MMP26: variants seen among roughly 807,000 people sequenced by gnomAD.
The protein encoded by MMP26 is matrix metalloproteinase-26.
In MMP26, 33 loss-of-function variants were observed where a neutral mutation model predicts 31.0. The observed-to-expected ratio is 1.06, with a 90% CI of 0.81 to 1.42. The LOEUF is 1.42. Ranked by LOEUF, MMP26 falls within the 40% of genes most tolerant of loss-of-function variation. The pLI is 0.00. For missense variants in MMP26, 347 were observed against 316.1 expected, an observed-to-expected ratio of 1.10 and a Z score of -0.74; for synonymous variants, 122 against 114.9, an observed-to-expected ratio of 1.06 and a Z score of -0.40.
At chr11:4,812,049 A>G (rs1039863908) in intron 2 of MMP26, among the ~76,000 whole-genome samples, 5 of 152,194 alleles carry the variant, frequency 3.3e-5, no homozygotes, top group Admixed American at 2.0e-4. Flanking sequence ...TGAGAGCCCA[A>G]TAAAGGTTGG....
intron 2 of MMP26, chr11:4,769,600 A>T: frequency 6.2e-7 from 1 of 1,613,406 alleles, no homozygotes; most frequent in Admixed American, 1.7e-5. Flanking sequence ...TGAATCCATG[A>T]AGAAAAAACA....
chr11:4,987,486 T>C lies in MMP26; in HGVS notation c.-144-582T>C, dbSNP rs534087759. On this transcript the variant is annotated intron_variant, in intron 2 of 7. Coordinates refer to ENST00000380390, the MANE Select transcript of MMP26 (RefSeq NM_021801.5). ...CAGGCTGGAGTGCAGTGGCGCGATC[T>C]CGGCTCACTGCAAGCTCCGCCTCCC... is the stretch of plus-strand genomic sequence containing the variant. 3.9e-5 allele frequency among the ~76,000 whole-genome samples: 6 copies of C among 152,188 alleles called. No homozygotes were observed. The South Asian group carries it at 6.2e-4, about 16-fold the overall frequency.
At chr11:4,842,633 A>G (rs898956536) in intron 2 of MMP26, among the ~76,000 whole-genome samples, 4 of 152,116 alleles carry the variant, frequency 2.6e-5, no homozygotes, top group African/African-American at 7.2e-5. Context: ...GGGAATTACA[A>G]TTCAACATGA....
intron 1 of MMP26, among the ~76,000 whole-genome samples, chr11:4,754,494 A>C (rs1848483323): frequency 6.6e-6 from 1 of 152,030 alleles, no homozygotes; most frequent in South Asian, 2.1e-4. Flanking sequence ...GGATGCTATA[A>C]ATCAAATTAA....
chr11:4,992,352 G>A lies in MMP26; in HGVS notation c.*110G>A. The A allele has an allele frequency of 2.9e-6, 3 of 1,039,374 alleles. No homozygotes were observed. The highest frequency in any genetic ancestry group is 4.2e-6 in the Non-Finnish European group (3 of 708,558). 64.4% of individuals were successfully genotyped at this position (1,039,374 alleles called of 1,614,324 possible). A position where few individuals can be genotyped will look rare whatever the true frequency, so the allele number is the denominator to read the frequency against. The stretch of plus-strand genomic sequence containing the variant: ...GGGACTGCTAGGATGAAGCCCTAAA[G>A]AATGCAACCTAGTCAGGTTAGCTGA... On this transcript the variant is annotated 3_prime_UTR_variant, in exon 8 of 8. Coordinates refer to ENST00000380390, the MANE Select transcript of MMP26 (RefSeq NM_021801.5).
At chr11:4,959,125 C>T (rs1380064684) in intron 2 of MMP26, among the ~76,000 whole-genome samples, 2 of 151,206 alleles carry the variant, frequency 1.3e-5, no homozygotes, top group East Asian at 3.9e-4. Flanking sequence ...GTAGTCCCAG[C>T]TACTCGGGAG....
At chr11:4,924,321 T>C (rs758867280) in intron 2 of MMP26, 6 of 1,607,866 alleles carry the variant, frequency 3.7e-6, no homozygotes, top group Non-Finnish European at 4.2e-6. Context: ...TGGAGGCTGC[T>C]ATTAAGAAGA....
chr11:4,747,089 G>C (rs150429812), intron 1 of MMP26, among the ~76,000 whole-genome samples: 337 of 152,218 alleles, frequency 2.2e-3, no homozygotes, highest in Middle Eastern at 0.01. Context: ...CTTAGTAACT[G>C]GTTGATGCAA....
chr11:4,933,529 T>A (rs1269448566), intron 2 of MMP26, among the ~76,000 whole-genome samples: 1 of 44,640 alleles, frequency 2.2e-5, no homozygotes, highest in Non-Finnish European at 5.1e-5. Context: ...TTTTTTTTGT[T>A]TTTTTTTTTG....
chr11:4,784,064 C>T (rs983023625), intron 2 of MMP26, among the ~76,000 whole-genome samples: 9 of 152,132 alleles, frequency 5.9e-5, no homozygotes, highest in East Asian at 1.9e-4. Context: ...GAAGTGCAGG[C>T]GAGGCTTGGT....
rs71050424 is a variant in MMP26, at chr11:4,716,650, C to CTTTTTTTTTTT, written c.-217+11623_-217+11633dup. Among the ~76,000 whole-genome samples the CTTTTTTTTTTT allele has an allele frequency of 9.7e-4, 63 of 65,038 alleles. 12 individuals are homozygous for CTTTTTTTTTTT. Among genetic ancestry groups the CTTTTTTTTTTT allele is most frequent in the African/African-American group, 2.9e-3 (43 of 14,746 alleles). The allele number at this position is 65,038 out of a possible 152,430, so 42.7% of individuals were successfully genotyped here. ...ATTCCATACTTGATCTCTCTTACCT[C>CTTTTTTTTTTT]TTTTTTTTTTTTTTTTTTTTTTTTT... On this transcript the variant is annotated intron_variant, in intron 1 of 7. Transcript: ENST00000380390.
chr11:4,769,476 G>T, intron 2 of MMP26: 1 of 1,613,230 alleles, frequency 6.2e-7, no homozygotes, highest in Non-Finnish European at 8.5e-7. Flanking sequence ...ATCATCAGAA[G>T]ACCCATTTGA....
chr11:4,986,932 C>CTCTCTCCCTCTCTCTCTCT lies in MMP26; in HGVS notation c.-144-1136_-144-1135insTCTCTCCCTCTCTCTCTCT, dbSNP rs1564819722. Among the ~76,000 whole-genome samples the CTCTCTCCCTCTCTCTCTCT allele has an allele frequency of 7.1e-4, 43 of 60,440 alleles. 5 individuals are homozygous for CTCTCTCCCTCTCTCTCTCT. Among genetic ancestry groups the CTCTCTCCCTCTCTCTCTCT allele is most frequent in the South Asian group, 3.4e-3 (5 of 1,468 alleles). 39.7% of individuals were successfully genotyped at this position (60,440 alleles called of 152,430 possible). A position where few individuals can be genotyped will look rare whatever the true frequency, so the allele number is the denominator to read the frequency against. Reference sequence around the variant, plus strand: ...CTCTCTCTCTCTCTCTCTCTCTCTCCCTCTCTCTCTCTCTCTCTCTCTCTC... The same window carrying CTCTCTCCCTCTCTCTCTCT: ...CTCTCTCTCTCTCTCTCTCTCTCTCCTCTCTCCCTCTCTCTCTCTCTCTCTCTCTCTCTCTCTCTCTCTC... On this transcript the variant is annotated intron_variant, in intron 2 of 7. Transcript: ENST00000380390.
chr11:4,965,818 T>C (rs1410442888), intron 2 of MMP26, among the ~76,000 whole-genome samples: 1 of 152,210 alleles, frequency 6.6e-6, no homozygotes, highest in African/African-American at 2.4e-5. Flanking sequence ...TGGACTTTCT[T>C]CTACTGTGGA....
At chr11:4,776,970 T>C (rs1321273600) in intron 2 of MMP26, among the ~76,000 whole-genome samples, 1 of 152,150 alleles carries the variant, frequency 6.6e-6, no homozygotes, top group African/African-American at 2.4e-5. Context: ...ATATGTATAC[T>C]ATGCTTACCA....
intron 1 of MMP26, among the ~76,000 whole-genome samples, chr11:4,732,076 G>A (rs912689503): frequency 1.3e-5 from 2 of 152,178 alleles, no homozygotes; most frequent in African/African-American, 4.8e-5. Context: ...AGGCCAGGGT[G>A]GGGTTAGTGG....
intron 5 of MMP26, among the ~76,000 whole-genome samples, chr11:4,990,988 A>G (rs1024509426): frequency 2.0e-5 from 3 of 152,138 alleles, no homozygotes; most frequent in Non-Finnish European, 4.4e-5. Context: ...TTTTCCTTCC[A>G]AAAAGACGAT....
Position 4,862,396 on chromosome 11 carries a change from G to T in MMP26, c.-145+95055G>T, listed in dbSNP as rs371899961. 3.3e-5 allele frequency among the ~76,000 whole-genome samples: 5 copies of T among 152,168 alleles called. No individual in the cohort carries two copies. In the South Asian group the frequency reaches 1.0e-3, roughly 31 times the overall value. ...TAGTGCAATGAAGACATAAAACAAT[G>T]AATGGGTGAATATGGATGATTGAAT... On this transcript the variant is annotated intron_variant, in intron 2 of 7. Transcript: ENST00000380390.
chr11:4,846,393 A>G (rs1028538204), intron 2 of MMP26, among the ~76,000 whole-genome samples: 6 of 152,198 alleles, frequency 3.9e-5, no homozygotes, highest in African/African-American at 1.2e-4. Flanking sequence ...GATGTTTACC[A>G]GAGGCTGGGA....
Sources: gnomAD v4.1 joint callset for allele counts (sites outside exome capture counted in the v4.1 genomes callset) on GRCh38, gnomAD v4.1.1 for gene constraint, MANE v1.5 for transcripts, NCBI Gene and HGNC (gene_info 2026-07-23, HGNC 2026-07-21) for gene names.